The following ZFAT variants were observed in gnomAD, a reference collection of about 807,000 sequenced individuals.
The protein encoded by ZFAT is zinc finger and AT-hook domain containing, also known as zinc finger protein ZFAT.
In ZFAT, 64 loss-of-function variants were observed where a neutral mutation model predicts 117.7. That is an observed-to-expected ratio of 0.54 (90% CI 0.44 to 0.67). The LOEUF (loss-of-function observed/expected upper bound fraction) is 0.67, where lower values mean the gene tolerates loss of function less well. Among genes scored for constraint, ZFAT ranks in the 30% least tolerant of loss-of-function variants. ZFAT has a pLI of 0.00. For synonymous variants in ZFAT, 679 were observed against 615.0 expected (o/e 1.10, Z -1.54); for missense variants, 1,433 against 1,584.5 (o/e 0.90, Z 1.62).
Position 134,672,872 on chromosome 8 carries a change from T to C in ZFAT, c.20-15135A>G, listed in dbSNP as rs576669703. ...CACCAGTAGATATAACCTAATAGAA[T>C]GGATAAAGGAAGTTCCCTAAACAGG... On this transcript the variant is annotated intron_variant, in intron 1 of 15. Transcript: ENST00000377838. 3.8e-4 allele frequency among the ~76,000 whole-genome samples: 57 copies of C among 151,944 alleles called. 1 individual carries two copies. The highest frequency in any genetic ancestry group is 9.2e-4 in the Admixed American group (14 of 15,260).
chr8:134,576,181 T>C (rs1287653203), intron 10 of ZFAT, among the ~76,000 whole-genome samples: 1 of 152,240 alleles, frequency 6.6e-6, no homozygotes, highest in Non-Finnish European at 1.5e-5. Flanking sequence ...ATTAAAAAGT[T>C]AAATCTGTAT....
chr8:134,822,493 C>T, the ZFAT span, among the ~76,000 whole-genome samples: 4 of 152,042 alleles, frequency 2.6e-5, no homozygotes, highest in African/African-American at 9.7e-5. Flanking sequence ...ATAAAAAACA[C>T]TAAAATTTAT....
chr8:134,673,018 G>A (rs373807508), intron 1 of ZFAT: 2 of 152,180 alleles, frequency 1.3e-5, no homozygotes, highest in Non-Finnish European at 2.9e-5. Flanking sequence ...TTTGACGGTT[G>A]AAACAAAAAG....
intron 11 of ZFAT, among the ~76,000 whole-genome samples, chr8:134,538,053 GATC>G (rs1208245266): frequency 6.6e-6 from 1 of 152,208 alleles, no homozygotes; most frequent in Non-Finnish European, 1.5e-5. Context: ...TGCAAACACA[GATC>G]AGGGCACAAG....
At chr8:134,692,699 A>G (rs1833640741) in intron 1 of ZFAT, among the ~76,000 whole-genome samples, 2 of 152,268 alleles carry the variant, frequency 1.3e-5, no homozygotes, top group Admixed American at 6.5e-5. Context: ...TTGCACTGAA[A>G]TAGGAGACGA....
At chr8:134,607,933 T>C (rs553862879) in intron 5 of ZFAT, among the ~76,000 whole-genome samples, 14 of 152,222 alleles carry the variant, frequency 9.2e-5, no homozygotes, top group African/African-American at 1.7e-4. Flanking sequence ...CACTAGGCAC[T>C]CATATCCTTT....
intron 15 of ZFAT, among the ~76,000 whole-genome samples, chr8:134,503,806 A>C (rs2130301293): frequency 6.6e-6 from 1 of 152,240 alleles, no homozygotes; most frequent in East Asian, 1.9e-4. Context: ...GCCAGCCTTC[A>C]AATTGGAGTC....
chr8:134,657,551 G>A lies in ZFAT; in HGVS notation c.196+10C>T. On this transcript the variant is annotated intron_variant, in intron 2 of 15. Transcript: ENST00000377838. ...AGAAGGTATCCTGCCCCACCCCCCA[G>A]CCCCCTTACCATCTCCGGTTTTGCT... 1 of 1,602,652 alleles carries A rather than the reference G, an allele frequency of 6.2e-7. No homozygotes were observed. Among genetic ancestry groups the A allele is most frequent in the South Asian group, 1.1e-5 (1 of 90,062 alleles).
intron 7 of ZFAT, chr8:134,599,856 C>G (rs1036623934): frequency 2.2e-6 from 1 of 447,610 alleles, no homozygotes; most frequent in Non-Finnish European, 4.4e-6. Flanking sequence ...GATCCTCCAC[C>G]AAAGACCTAA....
chr8:134,762,172 C>G, the ZFAT span, among the ~76,000 whole-genome samples: 1 of 152,222 alleles, frequency 6.6e-6, no homozygotes, highest in Non-Finnish European at 1.5e-5. Flanking sequence ...TCCACCCTCT[C>G]TCATGTACAG....
intron 3 of ZFAT, among the ~76,000 whole-genome samples, chr8:134,629,101 G>GT (rs1829712845): frequency 6.6e-6 from 1 of 152,182 alleles, no homozygotes; most frequent in Admixed American, 6.5e-5. Context: ...AAGGATTGAA[G>GT]TGATATTCAG....
chr8:134,826,826 C>T, the ZFAT span, among the ~76,000 whole-genome samples: 8 of 152,112 alleles, frequency 5.3e-5, no homozygotes, highest in African/African-American at 1.9e-4. Flanking sequence ...GAAATTCAAA[C>T]AAAATTCTCA....
chr8:134,815,605 C>T, the ZFAT span, among the ~76,000 whole-genome samples: 2 of 152,288 alleles, frequency 1.3e-5, no homozygotes, highest in African/African-American at 4.8e-5. Context: ...CTAGCTGGTC[C>T]TCTCTGACTT....
chr8:134,573,386 G>T (rs184867822), intron 10 of ZFAT, among the ~76,000 whole-genome samples: 1 of 152,332 alleles, frequency 6.6e-6, no homozygotes, highest in East Asian at 1.9e-4. Context: ...AGAAAGGAAA[G>T]ATGTGTCGTG....
intron 11 of ZFAT, among the ~76,000 whole-genome samples, chr8:134,544,029 A>T (rs1454511774): frequency 4.6e-5 from 7 of 152,214 alleles, no homozygotes; most frequent in Non-Finnish European, 8.8e-5. Context: ...GGGAATGTTG[A>T]TGAGCTAGGC....
At chr8:134,647,116 T>C in intron 2 of ZFAT, among the ~76,000 whole-genome samples, 1 of 151,704 alleles carries the variant, frequency 6.6e-6, no homozygotes, top group Non-Finnish European at 1.5e-5. Flanking sequence ...TAAACAAAAA[T>C]ACTCAAAAAA....
At chr8:134,662,931 A>G (rs1266141886) in intron 1 of ZFAT, among the ~76,000 whole-genome samples, 1 of 152,206 alleles carries the variant, frequency 6.6e-6, no homozygotes. Context: ...GGTTTTCGGG[A>G]CCAGCCCTAT....
chr8:134,533,917 C>A (rs1821622602), intron 11 of ZFAT, among the ~76,000 whole-genome samples: 1 of 152,210 alleles, frequency 6.6e-6, no homozygotes, highest in South Asian at 2.1e-4. Flanking sequence ...TGCCAGCATG[C>A]CCCTGTAATC....
chr8:134,523,950 C>T (rs1479565491), intron 12 of ZFAT, among the ~76,000 whole-genome samples: 1 of 152,238 alleles, frequency 6.6e-6, no homozygotes, highest in Non-Finnish European at 1.5e-5. Context: ...TACACATCTT[C>T]ATTGTCCTTT....
Sources: gnomAD v4.1 joint callset for allele counts (sites outside exome capture counted in the v4.1 genomes callset) on GRCh38, gnomAD v4.1.1 for gene constraint, MANE v1.5 for transcripts, NCBI Gene and HGNC (gene_info 2026-07-23, HGNC 2026-07-21) for gene names.